RRP12: variants seen among roughly 807,000 people sequenced by gnomAD.
The protein encoded by RRP12 is RRP12-like protein.
A neutral mutation model predicts 157.3 loss-of-function variants in RRP12; 78 were observed. That is an observed-to-expected ratio of 0.50 (90% CI 0.41 to 0.60). The LOEUF (loss-of-function observed/expected upper bound fraction) is 0.60, where lower values mean the gene tolerates loss of function less well. Among genes scored for constraint, RRP12 ranks in the 20% least tolerant of loss-of-function variants. The probability of loss-of-function intolerance (pLI) is 0.00; values close to 1 mark genes in which losing one functional copy is unlikely to be tolerated. For missense variants in RRP12, 1,521 were observed against 1,679.9 expected, an observed-to-expected ratio of 0.91 and a Z score of 1.65; for synonymous variants, 726 against 670.9, an observed-to-expected ratio of 1.08 and a Z score of -1.27.
chr10:97,383,322 C>A (rs1221339285), intron 10 of RRP12, among the ~76,000 whole-genome samples: 3 of 152,302 alleles, frequency 2.0e-5, no homozygotes, highest in South Asian at 4.1e-4. Flanking sequence ...GCTGGGCAGA[C>A]CTGGGCCAGA....
At chr10:97,384,402 C>G in intron 10 of RRP12, among the ~76,000 whole-genome samples, 1 of 145,734 alleles carries the variant, frequency 6.9e-6, no homozygotes, top group East Asian at 2.1e-4. Context: ...GTCCTAAAGA[C>G]CCCCCAACCT....
chr10:97,381,791 C>T lies in RRP12; in HGVS notation c.1244G>A (p.Arg415His), dbSNP rs748542158. Residue 415 changes from arginine to histidine, a missense_variant, in exon 11 of 34, where the codon CGC becomes CAC. Physicochemically the swap from Arg to His is conservative, Grantham distance 29. Coordinates refer to ENST00000370992, the MANE Select transcript of RRP12 (RefSeq NM_015179.4). Reference protein sequence around the residue: ...QWDLGLGHLPRFFGTAVTCLL... With the variant: ...QWDLGLGHLPHFFGTAVTCLL... ...GCAGGTCACCGCAGTTCCAAAAAAG[C>T]GAGGGAGGTGGCCTAGCCCCAGGTC... The T allele has an allele frequency of 2.8e-5, 45 of 1,613,946 alleles. No individual in the cohort carries two copies. Among genetic ancestry groups the T allele is most frequent in the Admixed American group, 3.3e-5 (2 of 59,998 alleles).
rs926774121 is a variant in RRP12 at position 97,360,469 on chromosome 10, C to A, written c.3640+77G>T. 1.2e-4 allele frequency: 151 copies of A among 1,208,568 alleles called. 2 individuals carry two copies. Among genetic ancestry groups the A allele is most frequent in the Middle Eastern group, 4.7e-4 (2 of 4,238 alleles). 74.9% of individuals were successfully genotyped at this position (1,208,568 alleles called of 1,614,324 possible). A position where few individuals can be genotyped will look rare whatever the true frequency, so the allele number is the denominator to read the frequency against. ...GCTGTGCACCCTCATGGCCCTGCCA[C>A]CCCTTCCTGTGACTCCCCTCCCTAA... On this transcript the variant is annotated intron_variant, in intron 31 of 33. Transcript: ENST00000370992.
At chr10:97,383,958 G>A (rs538261924) in intron 10 of RRP12, among the ~76,000 whole-genome samples, 3 of 152,330 alleles carry the variant, frequency 2.0e-5, no homozygotes, top group Non-Finnish European at 2.9e-5. Context: ...GAGCTGCACT[G>A]TCCTACCCCG....
At chr10:97,376,654 G>A (rs1252679665) in intron 15 of RRP12, among the ~76,000 whole-genome samples, 2 of 152,034 alleles carry the variant, frequency 1.3e-5, no homozygotes, top group Non-Finnish European at 2.9e-5. Context: ...GTCGTCCTGT[G>A]CATTGCAGGG....
Position 97,390,798 on chromosome 10 carries a change from C to T in RRP12, c.577G>A (p.Ala193Thr), listed in dbSNP as rs1226420736. The T allele has an allele frequency of 2.5e-6, 4 of 1,613,990 alleles. No homozygotes were observed. Among genetic ancestry groups the T allele is most frequent in the Non-Finnish European group, 3.4e-6 (4 of 1,179,878 alleles). Residue 193 changes from alanine to threonine, a missense_variant, in exon 5 of 34, where the codon GCC (alanine) becomes ACC (threonine). By Grantham distance (58) the Ala-to-Thr change is moderately conservative. Coordinates refer to ENST00000370992, the MANE Select transcript of RRP12 (RefSeq NM_015179.4). ...TGAGCTGACATGATATCCATGAAGG[C>T]TTTGGAGGTATCAGAGAACTTCTTA... ...LIKKFSDTSK[A>T]FMDIMSAQAS...
At chr10:97,376,128 CG>C (rs1564757514) in intron 15 of RRP12, among the ~76,000 whole-genome samples, 9 of 150,944 alleles carry the variant, frequency 6.0e-5, no homozygotes, top group African/African-American at 1.5e-4. Context: ...ACAAACAAAC[CG>C]ACCCAAACAA....
chr10:97,380,706 G>A, intron 13 of RRP12, 93 bp downstream of exon 13: 3 of 890,848 alleles, frequency 3.4e-6, no homozygotes, highest in South Asian at 2.8e-5. Flanking sequence ...GCGGAGCAGG[G>A]TGCAGAGATA....
At chr10:97,386,858 C>T (rs968987612) in intron 8 of RRP12, among the ~76,000 whole-genome samples, 3 of 151,980 alleles carry the variant, frequency 2.0e-5, no homozygotes, top group Admixed American at 6.6e-5. Context: ...GGTGTGGTGG[C>T]GGGCGCCTGT....
At chr10:97,366,002 G>A (rs1352434078) in intron 29 of RRP12, 106 bp downstream of exon 29, 12 of 1,447,624 alleles carry the variant, frequency 8.3e-6, no homozygotes, top group South Asian at 1.2e-5. Flanking sequence ...GGAAGCTGCC[G>A]AGAGAAGAGT....
At position 97,358,584 on chromosome 10, in the gene RRP12, C is replaced by T. The variant is rs765329608; in HGVS notation, c.3744G>A (p.Pro1248=). ...TGAGGGGGATGTAGGCATAGGGATC[C>T]GGCCGGCCTTTCTTCTTCACATCAC... ...AKGDVKKKGR[P]DPYAYIPLNR... Residue 1248 remains proline (P), a synonymous_variant, in exon 33 of 34, where the codon CCG becomes CCA. Coordinates refer to ENST00000370992, the MANE Select transcript of RRP12 (RefSeq NM_015179.4). 3.8e-5 allele frequency: 61 copies of T among 1,613,832 alleles called. 1 individual carries two copies. In the South Asian group the frequency reaches 4.5e-4, roughly 12 times the overall value.
intron 3 of RRP12, among the ~76,000 whole-genome samples, chr10:97,395,537 G>A (rs1481049137): frequency 6.8e-6 from 1 of 147,632 alleles, no homozygotes; most frequent in Non-Finnish European, 1.5e-5. Flanking sequence ...GGGCAACGGA[G>A]TGAGACTCTG....
chr10:97,401,294 C>A lies in RRP12; in HGVS notation c.-63G>T. ...CGGCTTCCAGGGACGTAGAAACACGCTCAGAACCCACGTGGATACCCTGTA... is the reference window on the plus strand; with the variant it reads ...CGGCTTCCAGGGACGTAGAAACACGATCAGAACCCACGTGGATACCCTGTA... On this transcript the variant is annotated 5_prime_UTR_variant, in exon 1 of 34. Coordinates refer to ENST00000370992, the MANE Select transcript of RRP12 (RefSeq NM_015179.4). 6.2e-7 allele frequency: 1 copy of A among 1,603,386 alleles called. No individual in the cohort carries two copies. The highest frequency in any genetic ancestry group is 1.3e-5 in the African/African-American group (1 of 74,828).
intron 4 of RRP12, among the ~76,000 whole-genome samples, chr10:97,391,976 A>T (rs1246820242): frequency 6.7e-6 from 1 of 149,512 alleles, no homozygotes; most frequent in Non-Finnish European, 1.5e-5. Context: ...ATCATTCAGT[A>T]CTGTTAAGTA....
intron 31 of RRP12, among the ~76,000 whole-genome samples, chr10:97,359,939 A>G (rs931778437): frequency 2.0e-5 from 3 of 152,222 alleles, no homozygotes; most frequent in African/African-American, 7.2e-5. Flanking sequence ...GAGGCTTCCC[A>G]CAGGAGCCCC....
chr10:97,395,812 T>C (rs373695763), intron 3 of RRP12, among the ~76,000 whole-genome samples: 274 of 149,780 alleles, frequency 1.8e-3, no homozygotes, highest in African/African-American at 6.6e-3. Context: ...GAACATGCCA[T>C]TGCACTCCAG....
intron 25 of RRP12, among the ~76,000 whole-genome samples, chr10:97,368,745 C>T (rs1844057866): frequency 6.6e-6 from 1 of 152,190 alleles, no homozygotes; most frequent in East Asian, 1.9e-4. Flanking sequence ...CTGCAGGCTC[C>T]GAGGGCAGCG....
At chr10:97,385,371 T>A in intron 9 of RRP12, 114 bp from the exon 10 acceptor site, 1 of 800,888 alleles carries the variant, frequency 1.2e-6, no homozygotes, top group Non-Finnish European at 2.1e-6. Context: ...CTTGTGACCC[T>A]AGCACTCACA....
chr10:97,372,991 C>A, intron 18 of RRP12, 55 bp downstream of exon 18: 2 of 1,549,506 alleles, frequency 1.3e-6, no homozygotes, highest in South Asian at 1.2e-5. Flanking sequence ...GCCTCTCTGA[C>A]CCTGCCCACC....
Sources: allele counts gnomAD v4.1 joint callset (sites outside exome capture counted in the v4.1 genomes callset), GRCh38; gene constraint gnomAD v4.1.1; transcripts MANE v1.5; gene names NCBI Gene and HGNC (gene_info 2026-07-23, HGNC 2026-07-21).